The following ST3GAL2 variants were observed in gnomAD, a reference collection of about 807,000 sequenced individuals.
The protein encoded by ST3GAL2 is ST3 beta-galactoside alpha-2,3-sialyltransferase 2.
In ST3GAL2, 16 loss-of-function variants were observed where a neutral mutation model predicts 37.5. That is an observed-to-expected ratio of 0.43 (90% CI 0.29 to 0.65). The LOEUF is 0.65. ST3GAL2 is among the 30% of genes least tolerant of loss of function. ST3GAL2 has a pLI of 0.17. For missense variants in ST3GAL2, 383 were observed against 487.8 expected (o/e 0.79, Z 2.02); for synonymous variants, 238 against 202.9 (o/e 1.17, Z -1.47).
intron 1 of ST3GAL2, among the ~76,000 whole-genome samples, chr16:70,419,503 C>T (rs372028201): frequency 1.3e-5 from 2 of 152,178 alleles, no homozygotes; most frequent in African/African-American, 4.8e-5. Flanking sequence ...GCACAAAGGC[C>T]CTCTGCAAAC....
At chr16:70,436,894 TC>T (rs1353781774) in intron 1 of ST3GAL2, among the ~76,000 whole-genome samples, 1 of 152,042 alleles carries the variant, frequency 6.6e-6, no homozygotes, top group Non-Finnish European at 1.5e-5. Flanking sequence ...CGCAAAATAA[TC>T]CATTTCCCAC....
chr16:70,405,738 T>C (rs1239937350), intron 1 of ST3GAL2, among the ~76,000 whole-genome samples: 1 of 151,886 alleles, frequency 6.6e-6, no homozygotes, highest in Non-Finnish European at 1.5e-5. Flanking sequence ...TGGGGTGATG[T>C]TCCAAAATTG....
intron 2 of ST3GAL2, among the ~76,000 whole-genome samples, chr16:70,397,829 A>C (rs1200644189): frequency 1.3e-5 from 2 of 152,042 alleles, no homozygotes; most frequent in Non-Finnish European, 2.9e-5. Context: ...TAAAAAAAAA[A>C]CAAAAAACCC....
At chr16:70,408,890 CAAAAAAAAAAAAAAAAAAAAAAAAAA>C (rs59060353) in intron 1 of ST3GAL2, among the ~76,000 whole-genome samples, 22 of 59,854 alleles carry the variant, frequency 3.7e-4, no homozygotes, top group East Asian at 1.2e-3. Flanking sequence ...CTCAAAGAAA[CAAAAAAAAAAAAAAAAAAAAAAAAAA>C]AAAAAAAAAA....
At chr16:70,382,957 G>A in intron 5 of ST3GAL2, 33 bp from the exon 6 acceptor site, 2 of 1,607,756 alleles carry the variant, frequency 1.2e-6, no homozygotes, top group East Asian at 2.2e-5. Context: ...GTATATGAGG[G>A]GTTTAGGGGC....
rs1180990754 is a variant in ST3GAL2 at position 70,398,938 on chromosome 16, G to A, written c.-408C>T. The A allele has an allele frequency of 2.3e-6, 1 of 434,636 alleles. No homozygotes were observed. Among genetic ancestry groups the A allele is most frequent in the Non-Finnish European group, 4.0e-6 (1 of 247,310 alleles). The allele number at this position is 434,636 out of a possible 1,614,324, so 26.9% of individuals were successfully genotyped here. On this transcript the variant is annotated 5_prime_UTR_variant, in exon 2 of 7. Coordinates refer to ENST00000342907, the MANE Select transcript of ST3GAL2 (RefSeq NM_006927.4). ...AATAATCCAGTCTGGAGCAGTCGGG[G>A]TCCTTGTGGTTCATGAGCAGACAAT...
Position 70,389,202 on chromosome 16 carries a change from CAAAAAAAAAAAAAAAAAAAAAAAA to C in ST3GAL2, c.534-680_534-657del, listed in dbSNP as rs1160368910. On this transcript the variant is annotated intron_variant, in intron 3 of 6. Coordinates refer to ENST00000342907, the MANE Select transcript of ST3GAL2 (RefSeq NM_006927.4). ...AGACCACGGTGAAACCCCATCTCTA[CAAAAAAAAAAAAAAAAAAAAAAAA>C]AAAAAAAAAAAAAAAAAAGGTTACT... 9.5e-4 allele frequency among the ~76,000 whole-genome samples: 26 copies of C among 27,368 alleles called. 1 individual carries two copies. In the South Asian group the frequency reaches 0.013, roughly 13 times the overall value. The allele number at this position is 27,368 out of a possible 152,430, so 18.0% of individuals were successfully genotyped here. A position where few individuals can be genotyped will look rare whatever the true frequency, so the allele number is the denominator to read the frequency against.
In ST3GAL2 at chr16:70,381,471, T is replaced by C. The variant is rs1414140660; in HGVS notation, c.*218A>G. On this transcript the variant is annotated 3_prime_UTR_variant, in exon 7 of 7. Coordinates refer to ENST00000342907, the MANE Select transcript of ST3GAL2 (RefSeq NM_006927.4). ...AGACTGGACACAGCGCCGGAAGTTT[T>C]CCTTGAGTCACATGATTGGCTGGGA... 3.3e-6 allele frequency: 2 copies of C among 605,440 alleles called. No individual in the cohort carries two copies. The highest frequency in any genetic ancestry group is 1.9e-5 in the African/African-American group (1 of 53,512). 37.5% of individuals were successfully genotyped at this position (605,440 alleles called of 1,614,324 possible). A position where few individuals can be genotyped will look rare whatever the true frequency, so the allele number is the denominator to read the frequency against.
intron 3 of ST3GAL2, among the ~76,000 whole-genome samples, chr16:70,394,766 G>A (rs978551495): frequency 2.0e-5 from 3 of 152,186 alleles, no homozygotes; most frequent in East Asian, 1.9e-4. Context: ...CAGAGTGCAG[G>A]CCTCAAGCAA....
At chr16:70,419,665 C>T (rs953400742) in intron 1 of ST3GAL2, among the ~76,000 whole-genome samples, 1 of 152,206 alleles carries the variant, frequency 6.6e-6, no homozygotes, top group Non-Finnish European at 1.5e-5. Context: ...TCAGAGGCTT[C>T]CCTGTCCCAG....
chr16:70,430,488 C>T (rs2047781858), intron 1 of ST3GAL2, among the ~76,000 whole-genome samples: 1 of 152,228 alleles, frequency 6.6e-6, no homozygotes, highest in Non-Finnish European at 1.5e-5. Context: ...TCCCATGCCA[C>T]AGCCTCTTCC....
intron 1 of ST3GAL2, among the ~76,000 whole-genome samples, chr16:70,408,682 A>T (rs2047611008): frequency 6.6e-6 from 1 of 151,814 alleles, no homozygotes; most frequent in African/African-American, 2.4e-5. Context: ...CTTTATATCC[A>T]TCTGAAATCT....
chr16:70,435,386 A>G (rs2047817969), intron 1 of ST3GAL2, among the ~76,000 whole-genome samples: 1 of 152,166 alleles, frequency 6.6e-6, no homozygotes, highest in African/African-American at 2.4e-5. Flanking sequence ...ACCTGAGGTC[A>G]GGAGTTTGAG....
rs1360836422 is a variant in ST3GAL2, at chr16:70,379,367, T to G, written c.*2322A>C. On this transcript the variant is annotated 3_prime_UTR_variant, in exon 7 of 7. Coordinates refer to ENST00000342907, the MANE Select transcript of ST3GAL2 (RefSeq NM_006927.4). ...GCGCAGAGTCCAGGAATGAGGTGCCTCCTGTATAGGTGGGGGAGGGTATCT... is the reference window on the plus strand; with the variant it reads ...GCGCAGAGTCCAGGAATGAGGTGCCGCCTGTATAGGTGGGGGAGGGTATCT... The G allele has an allele frequency of 6.6e-6, 1 of 152,172 alleles. No homozygotes were observed. The highest frequency in any genetic ancestry group is 2.4e-5 in the African/African-American group (1 of 41,432). 9.4% of individuals were successfully genotyped at this position (152,172 alleles called of 1,614,324 possible). A position where few individuals can be genotyped will look rare whatever the true frequency, so the allele number is the denominator to read the frequency against.
At chr16:70,409,434 C>G (rs931373861) in intron 1 of ST3GAL2, among the ~76,000 whole-genome samples, 2 of 152,038 alleles carry the variant, frequency 1.3e-5, no homozygotes, top group Non-Finnish European at 2.9e-5. Flanking sequence ...ACCTCCACTT[C>G]CCAGGTTCAA....
chr16:70,381,638 G>A lies in ST3GAL2; in HGVS notation c.*51C>T, dbSNP rs1484067314. The A allele has an allele frequency of 1.6e-5, 25 of 1,590,408 alleles. No homozygotes were observed. The highest frequency in any genetic ancestry group is 2.0e-5 in the Non-Finnish European group (23 of 1,167,992). On this transcript the variant is annotated 3_prime_UTR_variant, in exon 7 of 7. Coordinates refer to ENST00000342907, the MANE Select transcript of ST3GAL2 (RefSeq NM_006927.4). ...GGTTGCTGGTCCTGGGTCCCGGGCC[G>A]GAGCCCCGGTGCCCGATAGATGGGC...
At chr16:70,438,216 C>G (rs978028957) in intron 1 of ST3GAL2, among the ~76,000 whole-genome samples, 1 of 152,156 alleles carries the variant, frequency 6.6e-6, no homozygotes, top group Non-Finnish European at 1.5e-5. Flanking sequence ...TAAGGGGAGA[C>G]TCAAGTGAGC....
intron 1 of ST3GAL2, among the ~76,000 whole-genome samples, chr16:70,419,318 C>T (rs1310617104): frequency 6.6e-6 from 1 of 152,218 alleles, no homozygotes; most frequent in Non-Finnish European, 1.5e-5. Context: ...AAAAATCCAC[C>T]ATCTATCCCC....
chr16:70,414,297 T>A (rs907690557), intron 1 of ST3GAL2, among the ~76,000 whole-genome samples: 1 of 152,164 alleles, frequency 6.6e-6, no homozygotes, highest in African/African-American at 2.4e-5. Context: ...AAAGGCCCAA[T>A]TGAAACTGCT....
Sources: gnomAD v4.1 joint callset for allele counts (sites outside exome capture counted in the v4.1 genomes callset) on GRCh38, gnomAD v4.1.1 for gene constraint, MANE v1.5 for transcripts, NCBI Gene and HGNC (gene_info 2026-07-23, HGNC 2026-07-21) for gene names.